Variants in VPS9D1 observed in about 807,000 individuals in gnomAD.
VPS9D1 encodes the protein VPS9 domain-containing protein 1.
In VPS9D1, 78 loss-of-function variants were observed where a neutral mutation model predicts 75.8. The observed-to-expected ratio is 1.03, with a 90% CI of 0.86 to 1.24. The LOEUF (loss-of-function observed/expected upper bound fraction) is 1.24. Among genes scored for constraint, VPS9D1 ranks in the 50% most tolerant of loss-of-function variants. VPS9D1 has a pLI of 0.00. For missense variants in VPS9D1, 1,057 were observed against 847.7 expected, an observed-to-expected ratio of 1.25 and a Z score of -3.07; for synonymous variants, 481 against 385.6, an observed-to-expected ratio of 1.25 and a Z score of -2.90.
In VPS9D1 at chr16:89,712,594, C is replaced by A; in HGVS notation, c.543+11G>T. ...CCACGCACCCCCAGGCCCTCCCTAG[C>A]CCCCACTCACCAGGGATGTCTTCTG... is the stretch of plus-strand genomic sequence containing the variant. On this transcript the variant is annotated intron_variant, in intron 5 of 14. Transcript: ENST00000389386. 6.2e-7 allele frequency: 1 copy of A among 1,609,030 alleles called. No homozygotes were observed. Among genetic ancestry groups the A allele is most frequent in the Non-Finnish European group, 8.5e-7 (1 of 1,178,332 alleles).
intron 13 of VPS9D1, 77 bp from the exon 14 acceptor site, chr16:89,708,608 C>A (rs1567539584): frequency 2.7e-5 from 39 of 1,458,234 alleles, no homozygotes; most frequent in Non-Finnish European, 3.5e-5. Context: ...GTGGAGCCAT[C>A]CTGGCCGTGC....
In VPS9D1 at chr16:89,711,783, C is replaced by T. The variant is rs570904947; in HGVS notation, c.747+99G>A. ...CCCGCCCCCTCACTGCCCCCCACAGCCTCTGGCTCCGCCCCCCACGGGGGC... is the reference window on the plus strand; with the variant it reads ...CCCGCCCCCTCACTGCCCCCCACAGTCTCTGGCTCCGCCCCCCACGGGGGC... On this transcript the variant is annotated intron_variant, in intron 8 of 14. Transcript: ENST00000389386. 4.4e-6 allele frequency: 6 copies of T among 1,378,810 alleles called. No individual in the cohort carries two copies. In the Admixed American group the frequency reaches 9.6e-5, roughly 22 times the overall value. The allele number at this position is 1,378,810 out of a possible 1,614,324, so 85.4% of individuals were successfully genotyped here.
chr16:89,708,531 A>G lies in VPS9D1; in HGVS notation c.1698T>C (p.Ile566=). The change falls in exon 14 of 15, where the codon ATT becomes ATC. Residue 566 remains isoleucine, a splice_region_variant and synonymous_variant. Coordinates refer to ENST00000389386, the MANE Select transcript of VPS9D1 (RefSeq NM_004913.3). ...GGATGGGCAGCAGGTCATCGGCACCACTGTCGGGAGGGCATAGCGGCCTTG... is the reference window on the plus strand; with the variant it reads ...GGATGGGCAGCAGGTCATCGGCACCGCTGTCGGGAGGGCATAGCGGCCTTG... ...AGPPPIAAAA[I]GADDLLPILS... 1 of 1,612,430 alleles carries G rather than the reference A, an allele frequency of 6.2e-7. No individual in the cohort carries two copies.
intron 6 of VPS9D1, 82 bp downstream of exon 6, chr16:89,712,378 C>A: frequency 6.3e-7 from 1 of 1,586,536 alleles, no homozygotes; most frequent in Non-Finnish European, 8.6e-7. Flanking sequence ...CTCCGCTCCC[C>A]TCGCTGCCCC....
At chr16:89,717,858 C>G (rs1458217783) in intron 2 of VPS9D1, 1 of 456,370 alleles carries the variant, frequency 2.2e-6, no homozygotes, top group Middle Eastern at 3.3e-4. Context: ...CGTCCAGTGG[C>G]TGCCCCGACC....
chr16:89,711,434 A>AG (rs1212545025), intron 8 of VPS9D1, 22 bp from the exon 9 acceptor site: 3 of 1,589,652 alleles, frequency 1.9e-6, no homozygotes, highest in Non-Finnish European at 2.6e-6. Context: ...GGGGCCTTGA[A>AG]GGAAAGCACG....
At chr16:89,716,099 G>A (rs1338322381) in intron 4 of VPS9D1, among the ~76,000 whole-genome samples, 1 of 152,010 alleles carries the variant, frequency 6.6e-6, no homozygotes, top group African/African-American at 2.4e-5. Context: ...CGGGCGCGGT[G>A]ACTCACGCTG....
At chr16:89,711,729 C>T (rs1334801574) in intron 8 of VPS9D1, 153 bp downstream of exon 8, 1 of 983,080 alleles carries the variant, frequency 1.0e-6, no homozygotes, top group Admixed American at 2.9e-5. Context: ...GCCCCGCCCC[C>T]TCACCGGGCC....
intron 12 of VPS9D1, 69 bp from the exon 13 acceptor site, chr16:89,709,025 G>GGGCCCC: frequency 1.6e-6 from 1 of 627,178 alleles, no homozygotes; most frequent in South Asian, 3.0e-5. Flanking sequence ...CTTATACCCC[G>GGGCCCC]CCCACCCACC....
chr16:89,711,860 C>T, intron 8 of VPS9D1, 22 bp downstream of exon 8: 2 of 1,549,302 alleles, frequency 1.3e-6, no homozygotes, highest in Non-Finnish European at 1.7e-6. Flanking sequence ...TCCTACAAAG[C>T]CTGGGCCCGT....
At chr16:89,712,906 A>G (rs995166234) in intron 4 of VPS9D1, 190 bp from the exon 5 acceptor site, 2 of 518,808 alleles carry the variant, frequency 3.9e-6, no homozygotes, top group Non-Finnish European at 6.7e-6. Flanking sequence ...GGTTTTGGCC[A>G]GGTGCAGTGG....
intron 2 of VPS9D1, 200 bp from the exon 3 acceptor site, chr16:89,717,022 T>C (rs1475521429): frequency 7.6e-6 from 2 of 263,340 alleles, no homozygotes; most frequent in African/African-American, 6.1e-5. Context: ...TCACCCCGGG[T>C]AAGCCCACTG....
intron 2 of VPS9D1, chr16:89,717,767 G>A (rs1487590998): frequency 1.1e-5 from 5 of 456,560 alleles, no homozygotes; most frequent in South Asian, 4.6e-5. Flanking sequence ...CTCAATCTTG[G>A]AGCGCCAGAG....
At position 89,710,996 on chromosome 16, in the gene VPS9D1, G is replaced by T; in HGVS notation, c.848C>A (p.Pro283Gln). 6.9e-7 allele frequency: 1 copy of T among 1,439,344 alleles called. No homozygotes were observed. Among genetic ancestry groups the T allele is most frequent in the Non-Finnish European group, 9.1e-7 (1 of 1,101,536 alleles). The allele number at this position is 1,439,344 out of a possible 1,614,324, so 89.2% of individuals were successfully genotyped here. A position where few individuals can be genotyped will look rare whatever the true frequency, so the allele number is the denominator to read the frequency against. Residue 283 changes from proline to glutamine, a missense_variant, in exon 10 of 15, where the codon CCG (proline) becomes CAG (glutamine). Transcript: ENST00000389386. The part of the protein sequence containing the change: ...VSHLLSLPDH[P>Q]IAQLLRRLQC... ...CAGCCGCCTCAGGAGCTGCGCGATCGGGTGGTCGGGGAGGCTGCGGGAGAA... is the reference window on the plus strand; with the variant it reads ...CAGCCGCCTCAGGAGCTGCGCGATCTGGTGGTCGGGGAGGCTGCGGGAGAA...
intron 4 of VPS9D1, chr16:89,712,944 G>A (rs1396474154): frequency 4.6e-6 from 2 of 431,816 alleles, no homozygotes; most frequent in East Asian, 4.1e-5. Flanking sequence ...AGCACTTTAG[G>A]AGGCTAAGGC....
At chr16:89,718,047 C>A (rs569205412) in intron 2 of VPS9D1, 1 of 455,066 alleles carries the variant, frequency 2.2e-6, no homozygotes. Context: ...TGTGATCCCA[C>A]GTCCAGTGGC....
At chr16:89,713,035 A>C in intron 4 of VPS9D1, 1 of 189,880 alleles carries the variant, frequency 5.3e-6, no homozygotes, top group Non-Finnish European at 1.1e-5. Flanking sequence ...AAATACAAAA[A>C]TTAGCTGGGC....
intron 6 of VPS9D1, 93 bp downstream of exon 6, chr16:89,712,367 C>T (rs1175607700): frequency 9.6e-6 from 15 of 1,563,648 alleles, no homozygotes; most frequent in Admixed American, 1.8e-5. Flanking sequence ...GACCCCGGAA[C>T]CTCCGCTCCC....
chr16:89,709,270 C>T lies in VPS9D1; in HGVS notation c.1554G>A (p.Leu518=), dbSNP rs374932401. 6.2e-7 allele frequency: 1 copy of T among 1,611,450 alleles called. No homozygotes were observed. The highest frequency in any genetic ancestry group is 1.1e-5 in the South Asian group (1 of 91,026). ...TCTGGGGGCAGCTCTCCAGGACCAG[C>T]AGTCCGAGCTCCTGGGCCGCCGCGC... The part of the protein sequence containing the change: ...PYCAAAQELG[L]LVLESCPQKK... The change falls in exon 12 of 15, where the codon CTG becomes CTA. Residue 518 remains leucine, a synonymous_variant. Transcript: ENST00000389386.
Sources: gnomAD v4.1 joint callset for allele counts (sites outside exome capture counted in the v4.1 genomes callset) on GRCh38, gnomAD v4.1.1 for gene constraint, MANE v1.5 for transcripts, NCBI Gene and HGNC (gene_info 2026-07-23, HGNC 2026-07-21) for gene names.